STARD4: variants seen among roughly 807,000 people sequenced by gnomAD.
The protein encoded by STARD4 is stAR-related lipid transfer protein 4.
STARD4 carries 33 observed loss-of-function variants against 24.9 expected under a neutral mutation model. The observed-to-expected ratio is 1.32, with a 90% CI of 1.00 to 1.77. STARD4 has a LOEUF of 1.77. STARD4 is among the 40% of genes most tolerant of loss of function. STARD4 has a pLI of 0.00. For synonymous variants in STARD4, 88 were observed against 77.4 expected, an observed-to-expected ratio of 1.14 and a Z score of -0.72; for missense variants, 238 against 249.3, an observed-to-expected ratio of 0.95 and a Z score of 0.31.
chr5:111,510,257 T>C (rs867060252), intron 1 of STARD4, among the ~76,000 whole-genome samples: 1 of 152,172 alleles, frequency 6.6e-6, no homozygotes, highest in Non-Finnish European at 1.5e-5. Context: ...AAAATATTAA[T>C]ATATTCTAGA....
chr5:111,506,253 C>T, intron 3 of STARD4, 77 bp downstream of exon 3: 1 of 519,056 alleles, frequency 1.9e-6, no homozygotes, highest in Non-Finnish European at 3.2e-6. Context: ...ATCTTACTAG[C>T]AATGACTACT....
intron 3 of STARD4, among the ~76,000 whole-genome samples, chr5:111,503,452 A>C (rs771128645): frequency 7.2e-5 from 11 of 152,148 alleles, no homozygotes; most frequent in Non-Finnish European, 1.0e-4. Context: ...AACATGGTGA[A>C]ACCCCGTCTC....
Position 111,499,742 on chromosome 5 carries a change from T to C in STARD4, c.*144A>G. Reference sequence around the variant, plus strand: ...CTTAGATAGCTATTTACTTTAGGAATAAAACCAAACATTGTACTAGTGAAC... The same window carrying C: ...CTTAGATAGCTATTTACTTTAGGAACAAAACCAAACATTGTACTAGTGAAC... On this transcript the variant is annotated 3_prime_UTR_variant, in exon 6 of 6. Transcript: ENST00000296632. 1 of 727,530 alleles carries C rather than the reference T, an allele frequency of 1.4e-6. No homozygotes were observed. The highest frequency in any genetic ancestry group is 2.2e-6 in the Non-Finnish European group (1 of 448,830). The allele number at this position is 727,530 out of a possible 1,614,324, so 45.1% of individuals were successfully genotyped here.
intron 3 of STARD4, 137 bp downstream of exon 3, chr5:111,506,193 C>CA (rs878865342): frequency 0.028 from 2,263 of 80,356 alleles, 9 homozygotes; most frequent in South Asian, 0.057. Flanking sequence ...GACTCTGTCT[C>CA]AAAAAAAAAA....
chr5:111,499,919 G>C lies in STARD4; in HGVS notation c.585C>G (p.Thr195=), dbSNP rs111813025. ...CTTTTCGTAAATCACCATAGAAGTT[G>C]GTTAAAGTGCTTGCCATGGCTGTAT... ...AVDTAMASTL[T]NFYGDLRKAL Residue 195 remains threonine (T), a synonymous_variant, in exon 6 of 6, where the codon ACC becomes ACG. Coordinates refer to ENST00000296632, the MANE Select transcript of STARD4 (RefSeq NM_139164.3). 7 of 1,614,094 alleles carry C rather than the reference G, an allele frequency of 4.3e-6. No homozygotes were observed. In the African/African-American group the frequency reaches 5.3e-5, roughly 12 times the overall value.
At chr5:111,503,623 G>A (rs531597011) in intron 3 of STARD4, among the ~76,000 whole-genome samples, 38 of 152,110 alleles carry the variant, frequency 2.5e-4, no homozygotes, top group African/African-American at 5.3e-4. Context: ...GCGAAACTCC[G>A]TCTCAAACAA....
At chr5:111,510,342 T>C (rs11241126) in intron 1 of STARD4, among the ~76,000 whole-genome samples, 1,918 of 152,298 alleles carry the variant, frequency 0.013, 44 homozygotes, top group African/African-American at 0.043. Context: ...CTGACATTAA[T>C]TGAGAGGAAA....
At chr5:111,503,052 C>A (rs893998148) in intron 3 of STARD4, among the ~76,000 whole-genome samples, 25 of 152,148 alleles carry the variant, frequency 1.6e-4, no homozygotes, top group Admixed American at 1.5e-3. Context: ...CTCAGTTATC[C>A]TCTGACATAC....
Position 111,498,456 on chromosome 5 carries a change from T to A in STARD4, c.*1430A>T, listed in dbSNP as rs1462975277. On this transcript the variant is annotated 3_prime_UTR_variant, in exon 6 of 6. Transcript: ENST00000296632. Reference sequence around the variant, plus strand: ...ACCTTTGGAATTTCACCATCCTAGATAGAACAGTAGAATATGAGACTTCCT... The same window carrying A: ...ACCTTTGGAATTTCACCATCCTAGAAAGAACAGTAGAATATGAGACTTCCT... The A allele has an allele frequency of 6.6e-6, 1 of 151,270 alleles. No homozygotes were observed. Among genetic ancestry groups the A allele is most frequent in the African/African-American group, 2.4e-5 (1 of 41,154 alleles). 9.4% of individuals were successfully genotyped at this position (151,270 alleles called of 1,614,324 possible).
At chr5:111,500,247 A>C (rs907621513) in intron 5 of STARD4, 141 bp from the exon 6 acceptor site, 10 of 1,360,240 alleles carry the variant, frequency 7.4e-6, no homozygotes, top group Non-Finnish European at 9.4e-6. Context: ...TGACCATGGC[A>C]GAGTGAAAAA....
Position 111,499,607 on chromosome 5 carries a change from G to A in STARD4, c.*279C>T, listed in dbSNP as rs1004815985. 13 of 366,474 alleles carry A rather than the reference G, an allele frequency of 3.5e-5. No homozygotes were observed. Among genetic ancestry groups the A allele is most frequent in the East Asian group, 5.4e-5 (1 of 18,548 alleles). 22.7% of individuals were successfully genotyped at this position (366,474 alleles called of 1,614,324 possible). On this transcript the variant is annotated 3_prime_UTR_variant, in exon 6 of 6. Coordinates refer to ENST00000296632, the MANE Select transcript of STARD4 (RefSeq NM_139164.3). ...GCTGAGGTAGAATAACCCCTTGAGC[G>A]GTCAGATCAAAGCTGCAGTGAGCTG... is the stretch of plus-strand genomic sequence containing the variant.
chr5:111,512,351 C>A (rs949141933), intron 1 of STARD4, 34 bp downstream of exon 1: 1 of 152,594 alleles, frequency 6.6e-6, no homozygotes, highest in African/African-American at 2.4e-5. Flanking sequence ...CACGGGCCAC[C>A]CCAATCCTGC....
At chr5:111,505,024 T>A (rs776051594) in intron 3 of STARD4, 1 of 455,552 alleles carries the variant, frequency 2.2e-6, no homozygotes, top group Non-Finnish European at 4.4e-6. Flanking sequence ...CCTCTTTTGA[T>A]CACATATCCC....
At chr5:111,511,314 C>T (rs1280155421) in intron 1 of STARD4, among the ~76,000 whole-genome samples, 2 of 152,106 alleles carry the variant, frequency 1.3e-5, no homozygotes, top group African/African-American at 2.4e-5. Context: ...ATGCTCTGTA[C>T]TTGATTTTAA....
At chr5:111,511,001 A>G (rs898191511) in intron 1 of STARD4, among the ~76,000 whole-genome samples, 6 of 152,234 alleles carry the variant, frequency 3.9e-5, no homozygotes, top group Non-Finnish European at 7.3e-5. Flanking sequence ...TTCCGTCAAC[A>G]GCTTCAGTTT....
intron 4 of STARD4, 57 bp from the exon 5 acceptor site, chr5:111,501,173 T>A: frequency 6.6e-7 from 1 of 1,507,912 alleles, no homozygotes; most frequent in Non-Finnish European, 8.9e-7. Flanking sequence ...CATAGCTTCA[T>A]ATATCATAAA....
At chr5:111,502,183 A>T (rs914399906) in intron 3 of STARD4, 95 bp from the exon 4 acceptor site, 39 of 1,438,232 alleles carry the variant, frequency 2.7e-5, no homozygotes, top group African/African-American at 1.3e-4. Flanking sequence ...AAGGAAAAAA[A>T]TTAGGCCGGG....
In STARD4 at chr5:111,507,320, C is replaced by T; in HGVS notation, c.105+9G>A. ...TATACCCCAAATATAAGTAATTGAA[C>T]TAATTTACCGTTTTCTTAGCAACTC... On this transcript the variant is annotated intron_variant, in intron 2 of 5. Transcript: ENST00000296632. The surrounding 1 kb of genome is among the most constrained non-coding windows in gnomAD (Gnocchi z 4.4). 1 of 1,605,336 alleles carries T rather than the reference C, an allele frequency of 6.2e-7. No individual in the cohort carries two copies.
At chr5:111,504,217 G>T (rs1756677025) in intron 3 of STARD4, among the ~76,000 whole-genome samples, 1 of 151,998 alleles carries the variant, frequency 6.6e-6, no homozygotes. Flanking sequence ...ATACCAAGAG[G>T]TTTACTATCG....
Sources: gnomAD v4.1 joint callset for allele counts (sites outside exome capture counted in the v4.1 genomes callset) on GRCh38, gnomAD v4.1.1 for gene constraint, Gnocchi (gnomAD v3.1) non-coding constraint, MANE v1.5 for transcripts, NCBI Gene and HGNC (gene_info 2026-07-23, HGNC 2026-07-21) for gene names.